The following NFIA variants were observed in gnomAD, a reference collection of about 807,000 sequenced individuals.
NFIA encodes the protein nuclear factor I A.
Under a neutral mutation model 62.8 loss-of-function variants are expected in NFIA, and 8 were observed. The ratio of observed to expected loss-of-function variants is 0.13; its 90% CI spans 0.07 to 0.23. The LOEUF (loss-of-function observed/expected upper bound fraction) is 0.23. Among genes scored for constraint, NFIA ranks in the 10% least tolerant of loss-of-function variants. The probability of loss-of-function intolerance (pLI) is 1.00; values close to 1 mark genes in which losing one functional copy is unlikely to be tolerated. For missense variants in NFIA, 410 were observed against 642.1 expected, an observed-to-expected ratio of 0.64 and a Z score of 3.91; for synonymous variants, 235 against 238.1, an observed-to-expected ratio of 0.99 and a Z score of 0.12.
At chr1:61,282,256 C>T (rs758747435) in intron 3 of NFIA, among the ~76,000 whole-genome samples, 34 of 151,966 alleles carry the variant, frequency 2.2e-4, no homozygotes, top group Non-Finnish European at 3.1e-4. Flanking sequence ...GCTTGATTAC[C>T]GTAGGGAATG....
chr1:61,276,503 C>T (rs1218160977), intron 2 of NFIA, among the ~76,000 whole-genome samples: 5 of 152,228 alleles, frequency 3.3e-5, no homozygotes, highest in South Asian at 4.2e-4. Context: ...GCAAGCTCTC[C>T]GCAGATACAG....
At position 61,411,739 on chromosome 1, in the gene NFIA, G is replaced by A. The variant is rs113561316; in HGVS notation, c.1420+5012G>A. Among the ~76,000 whole-genome samples, 169 of 151,880 alleles carry A rather than the reference G, an allele frequency of 1.1e-3. 1 individual carries two copies. Among genetic ancestry groups the A allele is most frequent in the African/African-American group, 3.8e-3 (159 of 41,454 alleles). ...ATCAAGCCGAGAGGGGAGGGATGCA[G>A]CTCTAAGCAGGGTGATCAGAGGAGG... On this transcript the variant is annotated intron_variant, in intron 9 of 10. Coordinates refer to ENST00000403491, the MANE Select transcript of NFIA (RefSeq NM_001134673.4).
At chr1:61,363,352 C>T (rs1047529198) in intron 6 of NFIA, among the ~76,000 whole-genome samples, 1 of 152,148 alleles carries the variant, frequency 6.6e-6, no homozygotes, top group African/African-American at 2.4e-5. Flanking sequence ...CGCCTGTAAT[C>T]CCAGCACTTT....
chr1:61,253,532 GAGGAT>G (rs1656180935), intron 2 of NFIA: 3 of 152,292 alleles, frequency 2.0e-5, no homozygotes, highest in Admixed American at 2.0e-4. Flanking sequence ...CCTATCTCCT[GAGGAT>G]GGCTGAGCTC....
chr1:61,293,047 C>T (rs1658989340), intron 3 of NFIA, among the ~76,000 whole-genome samples: 1 of 152,088 alleles, frequency 6.6e-6, no homozygotes, highest in African/African-American at 2.4e-5. Flanking sequence ...TGTAGGAGGG[C>T]GAGTTTGGGC....
intron 2 of NFIA, among the ~76,000 whole-genome samples, chr1:61,193,037 T>C (rs1485222713): frequency 6.6e-6 from 1 of 152,228 alleles, no homozygotes; most frequent in African/African-American, 2.4e-5. Flanking sequence ...TAAACTCCTC[T>C]GTTAAATAGT....
rs983374805 is a variant in NFIA at position 61,458,595 on chromosome 1, G to A, written c.*3275G>A. 3 of 151,410 alleles carry A rather than the reference G, an allele frequency of 2.0e-5. No individual in the cohort carries two copies. Among genetic ancestry groups the A allele is most frequent in the Admixed American group, 2.0e-4 (3 of 15,210 alleles). The allele number at this position is 151,410 out of a possible 1,614,324, so 9.4% of individuals were successfully genotyped here. On this transcript the variant is annotated 3_prime_UTR_variant, in exon 11 of 11. Transcript: ENST00000403491. ...AATTAGCCTAGTAAAATTTCTGATC[G>A]TTCATTATAAAGGCAGCGTTCATAG... is the stretch of plus-strand genomic sequence containing the variant.
chr1:61,416,643 G>A (rs541772561), intron 9 of NFIA, among the ~76,000 whole-genome samples: 1 of 152,098 alleles, frequency 6.6e-6, no homozygotes, highest in Non-Finnish European at 1.5e-5. Context: ...ATATTTTGGT[G>A]TTTAAATTTT....
intron 2 of NFIA, among the ~76,000 whole-genome samples, chr1:61,246,636 G>A (rs951367028): frequency 6.6e-6 from 1 of 152,008 alleles, no homozygotes; most frequent in East Asian, 1.9e-4. Flanking sequence ...CTATCTTTGC[G>A]TTATTGTCCA....
In NFIA at chr1:61,352,450, C is replaced by T; in HGVS notation, c.701C>T (p.Thr234Ile). Reference sequence around the variant, plus strand: ...TTTTTGTTTGTTTTCTTAATTCTAGCACCAATAGCTGCAGGAACTGGCCCA... The same window carrying T: ...TTTTTGTTTGTTTTCTTAATTCTAGTACCAATAGCTGCAGGAACTGGCCCA... ...SVTELVRVSQ[T>I]PIAAGTGPNF... Residue 234 changes from threonine (T) to isoleucine (I), a missense_variant and splice_region_variant, in exon 5 of 11, where the codon ACA becomes ATA. Transcript: ENST00000403491. 6.2e-7 allele frequency: 1 copy of T among 1,604,876 alleles called. No homozygotes were observed. The highest frequency in any genetic ancestry group is 8.5e-7 in the Non-Finnish European group (1 of 1,172,140).
At chr1:61,446,643 GA>G (rs1241120947) in intron 10 of NFIA, among the ~76,000 whole-genome samples, 1 of 152,212 alleles carries the variant, frequency 6.6e-6, no homozygotes, top group African/African-American at 2.4e-5. Context: ...TTCTTGGCTG[GA>G]AAGGTTGGTT....
chr1:61,438,406 A>G (rs1667427244), intron 10 of NFIA, among the ~76,000 whole-genome samples: 2 of 152,182 alleles, frequency 1.3e-5, no homozygotes, highest in African/African-American at 4.8e-5. Flanking sequence ...TCTTTAGGAC[A>G]AGGGGCCTGT....
intron 2 of NFIA, among the ~76,000 whole-genome samples, chr1:61,274,283 A>C (rs1657683460): frequency 6.6e-6 from 1 of 152,202 alleles, no homozygotes; most frequent in Non-Finnish European, 1.5e-5. Context: ...TTCTGCTCAT[A>C]AATTTTTTAA....
At chr1:61,167,775 C>G (rs1428063904) in intron 2 of NFIA, among the ~76,000 whole-genome samples, 2 of 151,970 alleles carry the variant, frequency 1.3e-5, no homozygotes, top group Non-Finnish European at 2.9e-5. Context: ...TGTTATGATC[C>G]TTTTAGTTTT....
intron 2 of NFIA, among the ~76,000 whole-genome samples, chr1:61,267,892 G>A (rs902771857): frequency 6.6e-6 from 1 of 152,128 alleles, no homozygotes; most frequent in Non-Finnish European, 1.5e-5. Context: ...GGTATACAGG[G>A]TGAAAGGCAC....
chr1:61,391,959 G>A (rs190627324), intron 7 of NFIA, among the ~76,000 whole-genome samples: 1 of 152,198 alleles, frequency 6.6e-6, no homozygotes. Context: ...GCCAACAGAC[G>A]CACGGTGTTT....
chr1:61,267,026 GC>G (rs1657216595), intron 2 of NFIA, among the ~76,000 whole-genome samples: 1 of 152,122 alleles, frequency 6.6e-6, no homozygotes. Context: ...AATATAAATA[GC>G]CAAGAAGGGA....
At chr1:61,311,257 G>A (rs1258098687) in intron 3 of NFIA, among the ~76,000 whole-genome samples, 1 of 152,092 alleles carries the variant, frequency 6.6e-6, no homozygotes, top group Non-Finnish European at 1.5e-5. Context: ...CGGGTTTGGT[G>A]GCACATGCCT....
chr1:61,369,210 G>A (rs1663757694), intron 6 of NFIA, among the ~76,000 whole-genome samples: 1 of 152,148 alleles, frequency 6.6e-6, no homozygotes, highest in Non-Finnish European at 1.5e-5. Context: ...CTCAAGAAGT[G>A]CATATACAAA....
Sources: gnomAD v4.1 joint callset for allele counts (sites outside exome capture counted in the v4.1 genomes callset) on GRCh38, gnomAD v4.1.1 for gene constraint, MANE v1.5 for transcripts, NCBI Gene and HGNC (gene_info 2026-07-23, HGNC 2026-07-21) for gene names.